Variants in EIF4E1B observed in about 807,000 individuals in gnomAD.
EIF4E1B encodes the protein eukaryotic translation initiation factor 4E type 1B.
Under a neutral mutation model 31.3 loss-of-function variants are expected in EIF4E1B, and 22 were observed. That is an observed-to-expected ratio of 0.70 (90% CI 0.50 to 1.00). The LOEUF (loss-of-function observed/expected upper bound fraction) is 1.00. Ranked by LOEUF, EIF4E1B falls within the 50% of genes least tolerant of loss-of-function variation. The pLI is 0.00. For missense variants in EIF4E1B, 290 were observed against 311.6 expected (o/e 0.93, Z 0.52); for synonymous variants, 126 against 120.2 (o/e 1.05, Z -0.31).
At position 176,645,985 on chromosome 5, in the gene EIF4E1B, G is replaced by A; in HGVS notation, c.*5G>A. On this transcript the variant is annotated 3_prime_UTR_variant, in exon 9 of 9. Transcript: ENST00000318682. The surrounding 1 kb of genome is among the most constrained non-coding windows in gnomAD (Gnocchi z 5.4). ...AAGAACAAGTTTGTGGTGTGAGGGG[G>A]GCCTTGGCACCCCTCCTATGTAATG... 6.3e-7 allele frequency: 1 copy of A among 1,590,748 alleles called. No individual in the cohort carries two copies. The highest frequency in any genetic ancestry group is 1.1e-5 in the South Asian group (1 of 88,188).
At position 176,646,287 on chromosome 5, in the gene EIF4E1B, G is replaced by A. The variant is rs1022907081; in HGVS notation, c.*307G>A. ...TCTATGGTAGGCGGAGAAACCCATA[G>A]TCCAGCGTTTACTGTTTCCACCCAG... On this transcript the variant is annotated 3_prime_UTR_variant, in exon 9 of 9. Transcript: ENST00000318682. 2 of 311,162 alleles carry A rather than the reference G, an allele frequency of 6.4e-6. No homozygotes were observed. The highest frequency in any genetic ancestry group is 1.2e-5 in the Non-Finnish European group (2 of 162,258). 19.3% of individuals were successfully genotyped at this position (311,162 alleles called of 1,614,324 possible). A position where few individuals can be genotyped will look rare whatever the true frequency, so the allele number is the denominator to read the frequency against.
chr5:176,639,760 T>A (rs1422949691), intron 1 of EIF4E1B, among the ~76,000 whole-genome samples: 1 of 147,446 alleles, frequency 6.8e-6, no homozygotes, highest in African/African-American at 2.6e-5. Flanking sequence ...TCATCTCTAT[T>A]TTTTTTTTAA....
chr5:176,646,091 A>G lies in EIF4E1B; in HGVS notation c.*111A>G. On this transcript the variant is annotated 3_prime_UTR_variant, in exon 9 of 9. Transcript: ENST00000318682. Reference sequence around the variant, plus strand: ...GACAGCCTAGTTCTTACCTGTCCTCAAGTGAACAGGAATGCAAACACTCTT... The same window carrying G: ...GACAGCCTAGTTCTTACCTGTCCTCGAGTGAACAGGAATGCAAACACTCTT... 1.1e-6 allele frequency: 1 copy of G among 900,800 alleles called. No individual in the cohort carries two copies. Among genetic ancestry groups the G allele is most frequent in the Admixed American group, 2.5e-5 (1 of 39,850 alleles). 55.8% of individuals were successfully genotyped at this position (900,800 alleles called of 1,614,324 possible). A position where few individuals can be genotyped will look rare whatever the true frequency, so the allele number is the denominator to read the frequency against.
Position 176,638,417 on chromosome 5 carries a change from G to A in EIF4E1B, c.-201-3626G>A, listed in dbSNP as rs1185060162. On this transcript the variant is annotated intron_variant, in intron 1 of 8. Coordinates refer to ENST00000318682, the MANE Select transcript of EIF4E1B (RefSeq NM_001099408.2). This position sits in a 1 kb window ranked among gnomAD's most constrained non-coding sequence, Gnocchi z 4.3. ...AAATGGTGTCCGGCACAAAGTAATT[G>A]GTAGGTCATTATTTGTTGAATGAAT... Among the ~76,000 whole-genome samples, 2 of 152,184 alleles carry A rather than the reference G, an allele frequency of 1.3e-5. No homozygotes were observed. Among genetic ancestry groups the A allele is most frequent in the Non-Finnish European group, 2.9e-5 (2 of 68,022 alleles).
intron 1 of EIF4E1B, among the ~76,000 whole-genome samples, chr5:176,632,278 T>C (rs1013848259): frequency 2.0e-5 from 3 of 152,196 alleles, no homozygotes; most frequent in Non-Finnish European, 2.9e-5. Context: ...TTTTTTGAGA[T>C]GGAGTCTCCC....
At chr5:176,631,511 G>A (rs76874258) in intron 1 of EIF4E1B, among the ~76,000 whole-genome samples, 5,446 of 152,088 alleles carry the variant, frequency 0.036, 359 homozygotes, top group African/African-American at 0.13. Flanking sequence ...GACAGGAAGG[G>A]GACTATTTCA....
rs1200569664 is a variant in EIF4E1B, at chr5:176,643,220, G to C, written c.154G>C (p.Gly52Arg). ...GTCTCTGAGAGGGAAGGCCCGGACG[G>C]GGGGCCCCATGGAAGTCAAGCTGGA... ...LLSLRGKART[G>R]GPMEVKLELH... The change falls in exon 4 of 9, where the codon GGG becomes CGG. Residue 52 changes from glycine (G) to arginine (R), a missense_variant. Physicochemically the swap from Gly to Arg is moderately radical, Grantham distance 125 (BLOSUM62 -2). Coordinates refer to ENST00000318682, the MANE Select transcript of EIF4E1B (RefSeq NM_001099408.2). 6 of 1,613,072 alleles carry C rather than the reference G, an allele frequency of 3.7e-6. No homozygotes were observed. Among genetic ancestry groups the C allele is most frequent in the Middle Eastern group, 1.8e-4 (1 of 5,468 alleles).
At chr5:176,643,501 T>G in intron 4 of EIF4E1B, 138 bp from the exon 5 acceptor site, 2 of 901,756 alleles carry the variant, frequency 2.2e-6, no homozygotes, top group Non-Finnish European at 3.4e-6. Flanking sequence ...TTCATTCACC[T>G]GAGAGGGGAA....
chr5:176,631,782 C>T (rs1304607856), intron 1 of EIF4E1B, among the ~76,000 whole-genome samples: 1 of 152,232 alleles, frequency 6.6e-6, no homozygotes, highest in African/African-American at 2.4e-5. Flanking sequence ...ATGCATGCGC[C>T]TTTGGAGCCA....
chr5:176,643,106 C>G lies in EIF4E1B; in HGVS notation c.40C>G (p.Arg14Gly), dbSNP rs1342984580. The G allele has an allele frequency of 2.5e-6, 4 of 1,612,750 alleles. No homozygotes were observed. The highest frequency in any genetic ancestry group is 4.5e-5 in the East Asian group (2 of 44,866). ...GGTGAGTGAAGCTGAGGGTGGAATC[C>G]GAGAGTGGGAGGAGGAGGAGAAGGA... is the stretch of plus-strand genomic sequence containing the variant. ...VEVSEAEGGI[R>G]EWEEEEKEEE... The change falls in exon 4 of 9, where the codon CGA (arginine) becomes GGA (glycine). Residue 14 changes from arginine to glycine, a missense_variant. By Grantham distance (125) the Arg-to-Gly change is moderately radical. Coordinates refer to ENST00000318682, the MANE Select transcript of EIF4E1B (RefSeq NM_001099408.2).
intron 1 of EIF4E1B, among the ~76,000 whole-genome samples, chr5:176,633,318 C>T (rs188145329): frequency 5.8e-4 from 88 of 152,244 alleles, no homozygotes; most frequent in South Asian, 1.0e-3. Flanking sequence ...ACTGCAGCCT[C>T]GAACTCCTGG....
rs759017157 is a variant in EIF4E1B at position 176,643,067 on chromosome 5, C to CT, written c.16-8dup. The CT allele has an allele frequency of 7.5e-6, 12 of 1,599,102 alleles. No individual in the cohort carries two copies. In the African/African-American group the frequency reaches 8.0e-5, roughly 11 times the overall value. On this transcript the variant is annotated splice_polypyrimidine_tract_variant and intron_variant, in intron 3 of 8. Coordinates refer to ENST00000318682, the MANE Select transcript of EIF4E1B (RefSeq NM_001099408.2). ...CAGAGCTCACAACCCATCCTGACTC[C>CT]TTTTTTTGGCTCAGGTGAGTGAAGC...
chr5:176,639,419 C>G (rs1294242613), intron 1 of EIF4E1B, among the ~76,000 whole-genome samples: 1 of 152,144 alleles, frequency 6.6e-6, no homozygotes, highest in East Asian at 1.9e-4. Flanking sequence ...CCTGTAGCGC[C>G]AGGGGGGTTG....
chr5:176,636,906 A>G (rs995347840), intron 1 of EIF4E1B, among the ~76,000 whole-genome samples: 1 of 152,190 alleles, frequency 6.6e-6, no homozygotes, highest in Non-Finnish European at 1.5e-5. Context: ...GAGATGCAGC[A>G]GGAAATCAGA....
In EIF4E1B at chr5:176,645,926, T is replaced by C; in HGVS notation, c.675T>C (p.His225=). The change falls in exon 9 of 9, where the codon CAT becomes CAC. Residue 225 remains histidine, a synonymous_variant. Coordinates refer to ENST00000318682, the MANE Select transcript of EIF4E1B (RefSeq NM_001099408.2). This position sits in a 1 kb window ranked among gnomAD's most constrained non-coding sequence, Gnocchi z 5.4. ...AGACCATCATTGGGTACCAGGCCCA[T>C]GCAGACACAGCCACCAAGAGCAACT... ...SPKTIIGYQA[H]ADTATKSNSL... is the part of the protein sequence containing the mutation. The C allele has an allele frequency of 6.2e-7, 1 of 1,610,344 alleles. No individual in the cohort carries two copies. Among genetic ancestry groups the C allele is most frequent in the Non-Finnish European group, 8.5e-7 (1 of 1,178,372 alleles).
At chr5:176,637,708 A>G (rs942505803) in intron 1 of EIF4E1B, among the ~76,000 whole-genome samples, 1 of 152,248 alleles carries the variant, frequency 6.6e-6, no homozygotes, top group Admixed American at 6.5e-5. Context: ...GCATGACTGA[A>G]GGCCACTGTG....
At position 176,645,361 on chromosome 5, in the gene EIF4E1B, C is replaced by T. The variant is rs1199409750; in HGVS notation, c.475-16C>T. On this transcript the variant is annotated splice_polypyrimidine_tract_variant and intron_variant, in intron 7 of 8. Coordinates refer to ENST00000318682, the MANE Select transcript of EIF4E1B (RefSeq NM_001099408.2). This position sits in a 1 kb window ranked among gnomAD's most constrained non-coding sequence, Gnocchi z 5.4. ...GTCCCAGCCGGTGATCTCACAACCC[C>T]CTACTTCGGGTCCAGCTGCTGTGTC... 6.5e-7 allele frequency: 1 copy of T among 1,537,918 alleles called. No individual in the cohort carries two copies. The highest frequency in any genetic ancestry group is 8.8e-7 in the Non-Finnish European group (1 of 1,139,338).
rs1421190408 is a variant in EIF4E1B at position 176,638,206 on chromosome 5, T to C, written c.-201-3837T>C. 6.6e-6 allele frequency among the ~76,000 whole-genome samples: 1 copy of C among 152,186 alleles called. No homozygotes were observed. The highest frequency in any genetic ancestry group is 1.5e-5 in the Non-Finnish European group (1 of 68,022). The stretch of plus-strand genomic sequence containing the variant: ...GGGCGGGCAGTTGGATATGCTCTTC[T>C]GGATTTCTGGTGGCGGCTAAGCATG... On this transcript the variant is annotated intron_variant, in intron 1 of 8. Coordinates refer to ENST00000318682, the MANE Select transcript of EIF4E1B (RefSeq NM_001099408.2). The surrounding 1 kb of genome is among the most constrained non-coding windows in gnomAD (Gnocchi z 4.3).
rs1010391886 is a variant in EIF4E1B, at chr5:176,646,273, C to T, written c.*293C>T. 11 of 345,340 alleles carry T rather than the reference C, an allele frequency of 3.2e-5. No individual in the cohort carries two copies. The highest frequency in any genetic ancestry group is 1.0e-4 in the African/African-American group (5 of 49,096). The allele number at this position is 345,340 out of a possible 1,614,324, so 21.4% of individuals were successfully genotyped here. A position where few individuals can be genotyped will look rare whatever the true frequency, so the allele number is the denominator to read the frequency against. On this transcript the variant is annotated 3_prime_UTR_variant, in exon 9 of 9. Coordinates refer to ENST00000318682, the MANE Select transcript of EIF4E1B (RefSeq NM_001099408.2). ...CGGGGAAGGAGGGCTCTATGGTAGG[C>T]GGAGAAACCCATAGTCCAGCGTTTA... is the stretch of plus-strand genomic sequence containing the variant.
Sources: gnomAD v4.1 joint callset for allele counts (sites outside exome capture counted in the v4.1 genomes callset) on GRCh38, gnomAD v4.1.1 for gene constraint, Gnocchi (gnomAD v3.1) non-coding constraint, MANE v1.5 for transcripts, NCBI Gene and HGNC (gene_info 2026-07-23, HGNC 2026-07-21) for gene names.